Variants in INTS9 observed in about 807,000 individuals in gnomAD.
The protein encoded by INTS9 is protein related to CPSF subunits of 74 kDa.
A neutral mutation model predicts 79.7 loss-of-function variants in INTS9; 55 were observed. The ratio of observed to expected loss-of-function variants is 0.69; its 90% CI spans 0.56 to 0.86. The LOEUF (loss-of-function observed/expected upper bound fraction) is 0.86, where lower values mean the gene tolerates loss of function less well. Among genes scored for constraint, INTS9 ranks in the 40% least tolerant of loss-of-function variants. The pLI is 0.00. For synonymous variants in INTS9, 319 were observed against 325.2 expected (o/e 0.98, Z 0.20); for missense variants, 721 against 831.5 (o/e 0.87, Z 1.64).
At chr8:28,815,862 A>G (rs1441068983) in intron 6 of INTS9, among the ~76,000 whole-genome samples, 2 of 152,152 alleles carry the variant, frequency 1.3e-5, no homozygotes, top group African/African-American at 4.8e-5. Context: ...ATGAAGAGAC[A>G]CGAAACTACA....
intron 6 of INTS9, among the ~76,000 whole-genome samples, chr8:28,827,857 G>A (rs1321939203): frequency 6.6e-6 from 1 of 152,144 alleles, no homozygotes; most frequent in Non-Finnish European, 1.5e-5. Context: ...AGCATAGAGT[G>A]TCCTGGATAG....
At chr8:28,772,209 G>T (rs1350750547) in intron 14 of INTS9, among the ~76,000 whole-genome samples, 3 of 152,098 alleles carry the variant, frequency 2.0e-5, no homozygotes, top group Admixed American at 6.6e-5. Flanking sequence ...GATTGAGACA[G>T]TTACCTCCAT....
intron 11 of INTS9, among the ~76,000 whole-genome samples, chr8:28,786,450 C>T (rs886837733): frequency 4.6e-5 from 7 of 152,090 alleles, no homozygotes; most frequent in South Asian, 2.1e-4. Context: ...GCCACCACAC[C>T]GGGCTAATTT....
chr8:28,830,432 G>A (rs367797242), intron 6 of INTS9, among the ~76,000 whole-genome samples: 8 of 152,016 alleles, frequency 5.3e-5, no homozygotes, highest in African/African-American at 1.9e-4. Flanking sequence ...TCAGGAGTTT[G>A]AGACCAACCT....
chr8:28,786,811 A>T (rs529900453), intron 11 of INTS9, among the ~76,000 whole-genome samples: 1 of 152,166 alleles, frequency 6.6e-6, no homozygotes, highest in East Asian at 1.9e-4. Flanking sequence ...TCCGCCTCCC[A>T]GGTTCACGCC....
intron 11 of INTS9, 26 bp downstream of exon 11, chr8:28,787,803 A>G: frequency 6.4e-7 from 1 of 1,559,164 alleles, no homozygotes; most frequent in South Asian, 1.1e-5. Flanking sequence ...CTTCCTTCCC[A>G]TGTCCCAGTG....
chr8:28,848,279 A>G (rs2131246155), intron 3 of INTS9, among the ~76,000 whole-genome samples: 1 of 152,370 alleles, frequency 6.6e-6, no homozygotes, highest in East Asian at 1.9e-4. Context: ...TTAGTCACTC[A>G]ACATATATTG....
chr8:28,835,466 T>G, intron 5 of INTS9, 88 bp from the exon 6 acceptor site: 12 of 638,736 alleles, frequency 1.9e-5, no homozygotes, highest in Non-Finnish European at 2.4e-5. Flanking sequence ...AGAAATGACT[T>G]GCCCACCTCC....
chr8:28,865,613 T>A (rs999216470), intron 1 of INTS9, among the ~76,000 whole-genome samples: 2 of 152,066 alleles, frequency 1.3e-5, no homozygotes, highest in Admixed American at 6.6e-5. Context: ...TCAAAATACA[T>A]GAAGCAAAAT....
chr8:28,817,188 A>G (rs241150), intron 6 of INTS9, among the ~76,000 whole-genome samples: 50 of 150,910 alleles, frequency 3.3e-4, no homozygotes, highest in African/African-American at 7.5e-4. Context: ...TTTGGCTTTT[A>G]TTGCCATTGC....
chr8:28,805,497 A>G lies in INTS9; in HGVS notation c.744+6830T>C, dbSNP rs78249761. Among the ~76,000 whole-genome samples, 444 of 152,348 alleles carry G rather than the reference A, an allele frequency of 2.9e-3. 1 individual carries two copies. The highest frequency in any genetic ancestry group is 0.01 in the African/African-American group (427 of 41,584). ...TTATGAGATCCTGTTTATGGAAAGT[A>G]AGGTTGAAAAACTTACAATATATCT... On this transcript the variant is annotated intron_variant, in intron 8 of 16. Coordinates refer to ENST00000521022, the MANE Select transcript of INTS9 (RefSeq NM_018250.4).
intron 1 of INTS9, among the ~76,000 whole-genome samples, chr8:28,887,626 C>T (rs1289789363): frequency 2.0e-5 from 3 of 152,110 alleles, no homozygotes; most frequent in African/African-American, 7.2e-5. Flanking sequence ...ACTTTTAGGC[C>T]ATGGGAGGAC....
At chr8:28,771,602 G>A (rs1408047785) in intron 14 of INTS9, among the ~76,000 whole-genome samples, 1 of 152,210 alleles carries the variant, frequency 6.6e-6, no homozygotes, top group Non-Finnish European at 1.5e-5. Flanking sequence ...AATACCAAAC[G>A]GGCAGAGGAA....
rs753662352 is a variant in INTS9 at position 28,767,810 on chromosome 8, A to T, written c.*336T>A. 20 of 310,926 alleles carry T rather than the reference A, an allele frequency of 6.4e-5. No homozygotes were observed. The highest frequency in any genetic ancestry group is 3.8e-4 in the Admixed American group (8 of 21,278). 19.3% of individuals were successfully genotyped at this position (310,926 alleles called of 1,614,324 possible). On this transcript the variant is annotated 3_prime_UTR_variant, in exon 17 of 17. Transcript: ENST00000521022. ...AACCAAAGGCTGGCTCCCCTGGCCG[A>T]GGCCTGGGACTGATGCAAGACAGCC...
At chr8:28,811,802 CATCAT>C (rs960863185) in intron 8 of INTS9, among the ~76,000 whole-genome samples, 10 of 152,196 alleles carry the variant, frequency 6.6e-5, no homozygotes, top group Admixed American at 6.5e-4. Context: ...AACCAATGGC[CATCAT>C]TCTGAAAATC....
intron 1 of INTS9, chr8:28,862,266 C>T: frequency 2.1e-6 from 2 of 957,652 alleles, no homozygotes; most frequent in Non-Finnish European, 2.5e-6. Flanking sequence ...TACAATCACA[C>T]CAATCTGATT....
chr8:28,813,779 TGAGACA>T, intron 6 of INTS9, 167 bp from the exon 7 acceptor site: 1 of 714,286 alleles, frequency 1.4e-6, no homozygotes, highest in Non-Finnish European at 2.2e-6. Flanking sequence ...TTACTTTTTT[TGAGACA>T]GAGTCTCACT....
chr8:28,877,920 G>GGGT (rs1349854350), intron 1 of INTS9, among the ~76,000 whole-genome samples: 1 of 152,086 alleles, frequency 6.6e-6, no homozygotes, highest in African/African-American at 2.4e-5. Flanking sequence ...AAAATACAAA[G>GGGT]GGTGTTAGAA....
At chr8:28,784,966 G>C (rs530022306) in intron 11 of INTS9, among the ~76,000 whole-genome samples, 1 of 152,034 alleles carries the variant, frequency 6.6e-6, no homozygotes, top group African/African-American at 2.4e-5. Flanking sequence ...TCATTCTCTC[G>C]GCAGTTCCTC....
Sources: gnomAD v4.1 joint callset for allele counts (sites outside exome capture counted in the v4.1 genomes callset) on GRCh38, gnomAD v4.1.1 for gene constraint, MANE v1.5 for transcripts, NCBI Gene and HGNC (gene_info 2026-07-23, HGNC 2026-07-21) for gene names.